NBL1: variants seen among roughly 807,000 people sequenced by gnomAD.
The protein encoded by NBL1 is NBL1, DAN family BMP antagonist.
NBL1 carries 9 observed loss-of-function variants against 16.0 expected under a neutral mutation model. The observed-to-expected ratio is 0.56, with a 90% CI of 0.34 to 0.98. The LOEUF (loss-of-function observed/expected upper bound fraction) is 0.98, where lower values mean the gene tolerates loss of function less well. NBL1 is among the 50% of genes least tolerant of loss of function. NBL1 has a pLI of 0.02. For synonymous variants in NBL1, 86 were observed against 100.7 expected (o/e 0.85, Z 0.87); for missense variants, 196 against 243.1 (o/e 0.81, Z 1.29).
In NBL1 at chr1:19,651,657, C is replaced by T. The variant is rs60043590; in HGVS notation, c.-19-3355C>T. On this transcript the variant is annotated intron_variant, in intron 1 of 3. Coordinates refer to ENST00000375136, the MANE Select transcript of NBL1 (RefSeq NM_005380.8). ...CCCCAGCCTCCCTCCCTCCCTCTGTCCCTCCCTCCCTGCCTCCCTCCCTCT... is the reference window on the plus strand; with the variant it reads ...CCCCAGCCTCCCTCCCTCCCTCTGTTCCTCCCTCCCTGCCTCCCTCCCTCT... 9.5e-3 allele frequency among the ~76,000 whole-genome samples: 1,375 copies of T among 144,032 alleles called. 16 individuals carry two copies. Among genetic ancestry groups the T allele is most frequent in the African/African-American group, 0.033 (1,312 of 40,146 alleles). 94.5% of individuals were successfully genotyped at this position (144,032 alleles called of 152,430 possible). A position where few individuals can be genotyped will look rare whatever the true frequency, so the allele number is the denominator to read the frequency against.
At chr1:19,647,813 A>G (rs961330847) in intron 1 of NBL1, 1 of 339,596 alleles carries the variant, frequency 2.9e-6, no homozygotes, top group Non-Finnish European at 4.2e-6. Context: ...ACGGCTCTGC[A>G]CCGAGTGGTT....
chr1:19,655,556 G>A (rs1570569313), intron 3 of NBL1, 121 bp downstream of exon 3: 2 of 1,149,638 alleles, frequency 1.7e-6, no homozygotes, highest in East Asian at 5.1e-5. Flanking sequence ...GCCCCACTGT[G>A]TGCAGGGTGA....
At chr1:19,647,685 C>T (rs1429622420) in intron 1 of NBL1, 1 of 985,168 alleles carries the variant, frequency 1.0e-6, no homozygotes, top group African/African-American at 1.7e-5. Flanking sequence ...AATCGTCCGT[C>T]TCCATCAGCT....
rs1159687269 is a variant in NBL1 at position 19,658,419 on chromosome 1, C to A, written c.*1290C>A. The A allele has an allele frequency of 6.5e-6, 1 of 152,688 alleles. No individual in the cohort carries two copies. Among genetic ancestry groups the A allele is most frequent in the Non-Finnish European group, 1.5e-5 (1 of 68,068 alleles). The allele number at this position is 152,688 out of a possible 1,614,324, so 9.5% of individuals were successfully genotyped here. The stretch of plus-strand genomic sequence containing the variant: ...CATTGGACAGTCTCCCTGATGGACC[C>A]TCAGTCTTCTCATGAATAAATTCCT... On this transcript the variant is annotated 3_prime_UTR_variant, in exon 4 of 4. Transcript: ENST00000375136.
chr1:19,649,335 G>A (rs1298288288), intron 1 of NBL1, among the ~76,000 whole-genome samples: 1 of 146,814 alleles, frequency 6.8e-6, no homozygotes, highest in Non-Finnish European at 1.5e-5. Context: ...GTACACAATG[G>A]TGCTGCCATA....
chr1:19,644,268 G>A, upstream of NBL1: 1 of 978,808 alleles, frequency 1.0e-6, no homozygotes. The surrounding 1 kb of genome is among the most constrained non-coding windows in gnomAD (Gnocchi z 4.6). Context: ...GAGCCACCCT[G>A]ACGTCGGAGC....
chr1:19,655,507 C>A, intron 3 of NBL1, 72 bp downstream of exon 3: 1 of 1,533,358 alleles, frequency 6.5e-7, no homozygotes, highest in Non-Finnish European at 8.9e-7. Context: ...TCTCCCCAGG[C>A]TCCTGTATTC....
chr1:19,648,308 T>C (rs113417255), intron 1 of NBL1, among the ~76,000 whole-genome samples: 2 of 152,180 alleles, frequency 1.3e-5, no homozygotes, highest in African/African-American at 4.8e-5. Flanking sequence ...AGTGGCAGCG[T>C]TGTTAATCGA....
intron 1 of NBL1, chr1:19,646,121 G>A: frequency 5.5e-6 from 8 of 1,447,348 alleles, no homozygotes; most frequent in Non-Finnish European, 6.6e-6. Context: ...GCACGGGGTC[G>A]GCCCTGTGTG....
At chr1:19,653,457 G>T (rs1436329554) in intron 1 of NBL1, among the ~76,000 whole-genome samples, 1 of 152,148 alleles carries the variant, frequency 6.6e-6, no homozygotes, top group Non-Finnish European at 1.5e-5. Flanking sequence ...CCTCATCCAG[G>T]CCCCTCTAGG....
At chr1:19,643,448 G>A (rs746020093), upstream of NBL1, 3 of 1,607,220 alleles carry the variant, frequency 1.9e-6, no homozygotes, top group African/African-American at 4.0e-5. This position sits in a 1 kb window ranked among gnomAD's most constrained non-coding sequence, Gnocchi z 4.7. Flanking sequence ...GTGTCCCAGT[G>A]GTGTCCCTGG....
At chr1:19,645,488 G>T in intron 1 of NBL1, 1 of 995,226 alleles carries the variant, frequency 1.0e-6, no homozygotes, top group Non-Finnish European at 1.2e-6. Flanking sequence ...CCCCAAGCTG[G>T]ACGCCACCAG....
At position 19,655,312 on chromosome 1, in the gene NBL1, C is replaced by T; in HGVS notation, c.171-12C>T. ...AACAGTGACACAGGCATGGTGACCTCTCCTCCCACAGGGCGTGCCTAGGAC... is the reference window on the plus strand; with the variant it reads ...AACAGTGACACAGGCATGGTGACCTTTCCTCCCACAGGGCGTGCCTAGGAC... On this transcript the variant is annotated splice_polypyrimidine_tract_variant and intron_variant, in intron 2 of 3. Coordinates refer to ENST00000375136, the MANE Select transcript of NBL1 (RefSeq NM_005380.8). The T allele has an allele frequency of 1.2e-6, 2 of 1,613,830 alleles. No individual in the cohort carries two copies. The highest frequency in any genetic ancestry group is 1.7e-6 in the Non-Finnish European group (2 of 1,179,820).
chr1:19,655,487 C>T lies in NBL1; in HGVS notation c.282+52C>T, dbSNP rs376552112. On this transcript the variant is annotated intron_variant, in intron 3 of 3. Coordinates refer to ENST00000375136, the MANE Select transcript of NBL1 (RefSeq NM_005380.8). The stretch of plus-strand genomic sequence containing the variant: ...AGTCTCGGCCCGGAGCCTGCCCCAG[C>T]CTTGGCCTTTCTCCCCAGGCTCCTG... 168 of 1,591,056 alleles carry T rather than the reference C, an allele frequency of 1.1e-4. 2 individuals carry two copies. The highest frequency in any genetic ancestry group is 1.4e-4 in the Non-Finnish European group (166 of 1,166,710).
intron 1 of NBL1, among the ~76,000 whole-genome samples, chr1:19,650,120 A>G (rs1045793746): frequency 2.6e-5 from 4 of 152,248 alleles, no homozygotes; most frequent in Admixed American, 1.3e-4. Flanking sequence ...AGTGACCTAC[A>G]GTATTTAGTA....
At chr1:19,645,747 G>C in intron 1 of NBL1, 1 of 1,367,078 alleles carries the variant, frequency 7.3e-7, no homozygotes, top group Non-Finnish European at 9.5e-7. Flanking sequence ...CCTGCAAGCT[G>C]GACCTCTCTC....
upstream of NBL1, chr1:19,643,666 T>C: frequency 8.1e-7 from 1 of 1,240,430 alleles, no homozygotes; most frequent in Non-Finnish European, 1.0e-6. This position sits in a 1 kb window ranked among gnomAD's most constrained non-coding sequence, Gnocchi z 4.7. Context: ...AATAAGTCCC[T>C]GGGGCTTTTC....
intron 1 of NBL1, chr1:19,647,652 C>A: frequency 1.0e-6 from 1 of 985,472 alleles, no homozygotes; most frequent in Non-Finnish European, 1.2e-6. Context: ...GTGGTGTCAC[C>A]TGAATGCTGA....
intron 1 of NBL1, among the ~76,000 whole-genome samples, chr1:19,645,187 T>A (rs1250352224): frequency 2.6e-5 from 4 of 152,100 alleles, no homozygotes; most frequent in Non-Finnish European, 5.9e-5. Context: ...ACCCTCCCCC[T>A]GCCTCCCGCC....
Sources: allele counts gnomAD v4.1 joint callset (sites outside exome capture counted in the v4.1 genomes callset), GRCh38; gene constraint gnomAD v4.1.1; non-coding constraint Gnocchi (gnomAD v3.1); transcripts MANE v1.5; gene names NCBI Gene and HGNC (gene_info 2026-07-23, HGNC 2026-07-21).